STRN3: variants seen among roughly 807,000 people sequenced by gnomAD.
The protein encoded by STRN3 is striatin 3, also known as striatin-3.
Under a neutral mutation model 95.6 loss-of-function variants are expected in STRN3, and 29 were observed. That is an observed-to-expected ratio of 0.30 (90% CI 0.23 to 0.41). STRN3 has a LOEUF of 0.41. STRN3 is among the 10% of genes least tolerant of loss of function. STRN3 has a pLI of 1.00. For missense variants in STRN3, 890 were observed against 972.1 expected (o/e 0.92, Z 1.12); for synonymous variants, 331 against 357.6 (o/e 0.93, Z 0.84).
rs974551389 is a variant in STRN3 at position 30,976,140 on chromosome 14, A to C, written c.283-19898T>G. 5.9e-5 allele frequency among the ~76,000 whole-genome samples: 9 copies of C among 151,736 alleles called. 1 individual carries two copies. Among genetic ancestry groups the C allele is most frequent in the Admixed American group, 3.9e-4 (6 of 15,278 alleles). On this transcript the variant is annotated intron_variant, in intron 1 of 17. Coordinates refer to ENST00000357479, the MANE Select transcript of STRN3 (RefSeq NM_001083893.2). ...GAGACTGTTGTAGTGAATTAAAAAA[A>C]TAAAATGCCAGACAGGTTGCCTACA...
chr14:30,965,134 GTCACTAGT>G (rs1213893121), intron 1 of STRN3, among the ~76,000 whole-genome samples: 1 of 152,040 alleles, frequency 6.6e-6, no homozygotes, highest in Non-Finnish European at 1.5e-5. Context: ...CAAATTACTA[GTCACTAGT>G]TCACTAGTGA....
chr14:30,980,419 T>C (rs957480536), intron 1 of STRN3, among the ~76,000 whole-genome samples: 7 of 152,308 alleles, frequency 4.6e-5, no homozygotes, highest in Middle Eastern at 3.4e-3. Context: ...TTTCTTTTTT[T>C]TGTTTTGAGA....
chr14:31,009,243 T>C (rs1304011114), intron 1 of STRN3, among the ~76,000 whole-genome samples: 2 of 152,202 alleles, frequency 1.3e-5, no homozygotes, highest in Non-Finnish European at 2.9e-5. Context: ...ATGACATAGC[T>C]ATACACACAC....
At chr14:30,987,017 A>G (rs542785404) in intron 1 of STRN3, among the ~76,000 whole-genome samples, 1 of 152,316 alleles carries the variant, frequency 6.6e-6, no homozygotes, top group East Asian at 1.9e-4. Context: ...AATTACCAAC[A>G]AAATTTTGTT....
At chr14:30,902,991 A>G (rs1451613941) in intron 15 of STRN3, among the ~76,000 whole-genome samples, 1 of 152,198 alleles carries the variant, frequency 6.6e-6, no homozygotes, top group Non-Finnish European at 1.5e-5. Context: ...GAAGGAAAAC[A>G]TTCACAATTG....
intron 8 of STRN3, among the ~76,000 whole-genome samples, chr14:30,927,819 G>C (rs1878260269): frequency 6.7e-6 from 1 of 150,132 alleles, no homozygotes; most frequent in Non-Finnish European, 1.5e-5. Context: ...TATAGTCCCA[G>C]CTACTCAGGA....
In STRN3 at chr14:30,902,519, GAA is replaced by G. The variant is rs1481927523; in HGVS notation, c.2137+15_2137+16del. The stretch of plus-strand genomic sequence containing the variant: ...ATTTACAGTATTACTAATATGAAAA[GAA>G]GACAATTTGCTTACCCGTTTTATTG... On this transcript the variant is annotated intron_variant, in intron 16 of 17. Transcript: ENST00000357479. 2.7e-6 allele frequency: 4 copies of G among 1,497,780 alleles called. No individual in the cohort carries two copies. The highest frequency in any genetic ancestry group is 2.8e-6 in the Non-Finnish European group (3 of 1,089,650). The allele number at this position is 1,497,780 out of a possible 1,614,324, so 92.8% of individuals were successfully genotyped here. A position where few individuals can be genotyped will look rare whatever the true frequency, so the allele number is the denominator to read the frequency against.
intron 16 of STRN3, among the ~76,000 whole-genome samples, chr14:30,900,316 G>A (rs1371013561): frequency 2.7e-5 from 4 of 147,700 alleles, no homozygotes; most frequent in Admixed American, 6.9e-5. Context: ...CCGTGATCGT[G>A]CCACTGCACT....
intron 9 of STRN3, among the ~76,000 whole-genome samples, chr14:30,916,411 AC>A (rs1307842460): frequency 6.6e-6 from 1 of 151,276 alleles, no homozygotes; most frequent in Non-Finnish European, 1.5e-5. Flanking sequence ...AATAGCTGGG[AC>A]TACAGGCGCC....
intron 1 of STRN3, among the ~76,000 whole-genome samples, chr14:30,974,507 T>G (rs1880988628): frequency 6.6e-6 from 1 of 150,740 alleles, no homozygotes; most frequent in Non-Finnish European, 1.5e-5. Flanking sequence ...ACAGATTCAA[T>G]GCAATCCTTA....
intron 4 of STRN3, among the ~76,000 whole-genome samples, chr14:30,950,463 A>G (rs115735597): frequency 0.017 from 2,622 of 152,324 alleles, 62 homozygotes; most frequent in African/African-American, 0.06. Flanking sequence ...TTAAAAATTC[A>G]ACTGAAAGGA....
intron 1 of STRN3, among the ~76,000 whole-genome samples, chr14:31,005,916 A>G (rs1594573211): frequency 6.6e-6 from 1 of 151,998 alleles, no homozygotes; most frequent in East Asian, 2.0e-4. Context: ...TCAGGAGTTC[A>G]AGAGCAGCCT....
At chr14:31,025,178 T>C (rs1262149494) in intron 1 of STRN3, 1 of 151,972 alleles carries the variant, frequency 6.6e-6, no homozygotes, top group Non-Finnish European at 1.5e-5. Flanking sequence ...AAGAAACGGA[T>C]GGGGGAAAGG....
intron 5 of STRN3, among the ~76,000 whole-genome samples, chr14:30,940,269 T>C (rs1879032042): frequency 6.6e-6 from 1 of 152,208 alleles, no homozygotes; most frequent in South Asian, 2.1e-4. Context: ...TTATTAGATA[T>C]CTTTTTTCTT....
At chr14:30,977,846 C>T (rs1431847159) in intron 1 of STRN3, among the ~76,000 whole-genome samples, 2 of 148,932 alleles carry the variant, frequency 1.3e-5, no homozygotes, top group African/African-American at 2.5e-5. Context: ...ATTATTGAAC[C>T]CATGGACATT....
chr14:30,939,764 C>G (rs894754813), intron 5 of STRN3, among the ~76,000 whole-genome samples: 7 of 152,076 alleles, frequency 4.6e-5, no homozygotes, highest in African/African-American at 1.7e-4. Context: ...TTTAAAGAAG[C>G]TTCCCTTTGT....
At chr14:30,898,125 C>T (rs1268252941) in intron 16 of STRN3, among the ~76,000 whole-genome samples, 4 of 152,066 alleles carry the variant, frequency 2.6e-5, no homozygotes, top group African/African-American at 4.8e-5. Context: ...TAGAGGCACA[C>T]GACACCATGC....
At chr14:30,930,305 G>C (rs994507696) in intron 7 of STRN3, among the ~76,000 whole-genome samples, 1 of 152,100 alleles carries the variant, frequency 6.6e-6, no homozygotes, top group African/African-American at 2.4e-5. Flanking sequence ...GACTTGTTAA[G>C]TTTTTGATAA....
At chr14:30,921,025 C>T (rs1006231166) in intron 8 of STRN3, among the ~76,000 whole-genome samples, 4 of 150,888 alleles carry the variant, frequency 2.7e-5, no homozygotes, top group African/African-American at 9.7e-5. Context: ...TCATATTTAT[C>T]CTCACCCATT....
Sources: gnomAD v4.1 joint callset for allele counts (sites outside exome capture counted in the v4.1 genomes callset) on GRCh38, gnomAD v4.1.1 for gene constraint, MANE v1.5 for transcripts, NCBI Gene and HGNC (gene_info 2026-07-23, HGNC 2026-07-21) for gene names.